Variants in PARP14 observed in about 807,000 individuals in gnomAD.
PARP14 encodes the protein protein mono-ADP-ribosyltransferase PARP14.
In PARP14, 59 loss-of-function variants were observed where a neutral mutation model predicts 154.2. The ratio of observed to expected loss-of-function variants is 0.38; its 90% confidence interval spans 0.31 to 0.48. PARP14 has a LOEUF of 0.48. Ranked by LOEUF, PARP14 falls within the 20% of genes least tolerant of loss-of-function variation. The pLI, the probability that PARP14 is intolerant of heterozygous loss-of-function variation, is 0.98. For missense variants in PARP14, 1,734 were observed against 2,131.6 expected (o/e 0.81, Z 3.67); for synonymous variants, 720 against 780.5 (o/e 0.92, Z 1.29).
intron 1 of PARP14, among the ~76,000 whole-genome samples, chr3:122,684,265 T>C (rs957710929): frequency 6.6e-6 from 1 of 152,238 alleles, no homozygotes; most frequent in Non-Finnish European, 1.5e-5. Flanking sequence ...ACTCCTTTTT[T>C]CCCTGACCTC....
At position 122,727,795 on chromosome 3, in the gene PARP14, C is replaced by A; in HGVS notation, c.4942-17C>A. 1 of 1,552,068 alleles carries A rather than the reference C, an allele frequency of 6.4e-7. No homozygotes were observed. The highest frequency in any genetic ancestry group is 8.8e-7 in the Non-Finnish European group (1 of 1,136,534). On this transcript the variant is annotated splice_polypyrimidine_tract_variant and intron_variant, in intron 15 of 16. Coordinates refer to ENST00000474629, the MANE Select transcript of PARP14 (RefSeq NM_017554.3). ...GCTCTTGGAACTGGCAGAATATTATCCTTTATTAATTTGCAGATTGAGAGG... is the reference window on the plus strand; with the variant it reads ...GCTCTTGGAACTGGCAGAATATTATACTTTATTAATTTGCAGATTGAGAGG...
chr3:122,695,813 T>C (rs552663154), intron 5 of PARP14, among the ~76,000 whole-genome samples, 151 bp downstream of exon 5: 277 of 152,360 alleles, frequency 1.8e-3, no homozygotes, highest in African/African-American at 6.3e-3. Flanking sequence ...TGCGATATGA[T>C]GCTTAATAAG....
intron 9 of PARP14, among the ~76,000 whole-genome samples, chr3:122,710,796 TTTA>T (rs1939300350): frequency 1.5e-3 from 37 of 23,986 alleles, no homozygotes; most frequent in African/African-American, 3.6e-3. Context: ...AGGTATTTTA[TTTA>T]TTTATTTATT....
intron 4 of PARP14, among the ~76,000 whole-genome samples, chr3:122,693,847 AAAAAAAAAG>A (rs1938662384): frequency 1.4e-5 from 2 of 147,956 alleles, no homozygotes; most frequent in Non-Finnish European, 3.0e-5. Flanking sequence ...TGTCTGAAAA[AAAAAAAAAG>A]AAAAGAAAAG....
intron 8 of PARP14, among the ~76,000 whole-genome samples, chr3:122,706,817 C>CAAA (rs796804488): frequency 6.4e-5 from 8 of 124,714 alleles, no homozygotes; most frequent in South Asian, 2.5e-4. Flanking sequence ...CACCAACAGG[C>CAAA]AAAAAAAAAA....
intron 15 of PARP14, among the ~76,000 whole-genome samples, chr3:122,722,894 A>G (rs1483270904): frequency 6.6e-6 from 1 of 152,146 alleles, no homozygotes; most frequent in African/African-American, 2.4e-5. Context: ...TCCCAATTAA[A>G]AACTTAACAT....
At chr3:122,683,252 T>C in intron 1 of PARP14, 8 of 974,042 alleles carry the variant, frequency 8.2e-6, no homozygotes, top group Non-Finnish European at 9.8e-6. Flanking sequence ...AAGTGCATTC[T>C]TCTTCTGCAG....
In PARP14 at chr3:122,685,249, G is replaced by T. The variant is rs781052370; in HGVS notation, c.252G>T (p.Lys84Asn). 9.3e-6 allele frequency: 15 copies of T among 1,613,728 alleles called. No individual in the cohort carries two copies. The East Asian group carries it at 3.3e-4, about 36-fold the overall frequency. The change falls in exon 2 of 17, where the codon AAG becomes AAT. Residue 84 changes from lysine to asparagine, a missense_variant. Transcript: ENST00000474629. ...ELVWQGKGTF[K>N]LTVQLPATPD... ...TATGGCAAGGAAAAGGAACATTCAA[G>T]TTAACTGTCCAGTTACCTGCAACCC...
intron 9 of PARP14, among the ~76,000 whole-genome samples, chr3:122,709,162 C>T (rs1445850610): frequency 2.6e-5 from 4 of 152,082 alleles, no homozygotes; most frequent in Non-Finnish European, 5.9e-5. Flanking sequence ...ACCTGAGCAG[C>T]ATATACTGTA....
intron 15 of PARP14, among the ~76,000 whole-genome samples, chr3:122,724,216 G>T (rs556669887): frequency 1.3e-5 from 2 of 152,142 alleles, no homozygotes; most frequent in East Asian, 3.8e-4. Context: ...CGTGTGTTGC[G>T]TGTGTTCACT....
intron 3 of PARP14, among the ~76,000 whole-genome samples, chr3:122,687,454 C>A (rs1328089398): frequency 2.0e-5 from 3 of 152,202 alleles, no homozygotes; most frequent in Non-Finnish European, 4.4e-5. Context: ...CACGATATGT[C>A]CAAGGGAGTC....
In PARP14 at chr3:122,718,773, A is replaced by G. The variant is rs1319997921; in HGVS notation, c.4622A>G (p.Asp1541Gly). The change falls in exon 14 of 17, where the codon GAC becomes GGC. Residue 1541 changes from aspartate to glycine, a missense_variant. This residue lies in a region of PARP14 where 1,646 missense variants were observed against 1,976.0 expected (regional missense o/e 0.83). Coordinates refer to ENST00000474629, the MANE Select transcript of PARP14 (RefSeq NM_017554.3). ...ISEFIEWQYNDNNTSHCFNKM... is the reference protein window; with the variant it reads ...ISEFIEWQYNGNNTSHCFNKM... ...GAGTTTATAGAATGGCAGTATAATGACAATAACACTTCTCATTGTTTTAAC... is the reference window on the plus strand; with the variant it reads ...GAGTTTATAGAATGGCAGTATAATGGCAATAACACTTCTCATTGTTTTAAC... 1.2e-6 allele frequency: 2 copies of G among 1,613,612 alleles called. No homozygotes were observed. The highest frequency in any genetic ancestry group is 1.7e-6 in the Non-Finnish European group (2 of 1,179,740).
At chr3:122,708,331 G>A in intron 9 of PARP14, 63 bp downstream of exon 9, 2 of 801,006 alleles carry the variant, frequency 2.5e-6, no homozygotes, top group African/African-American at 1.7e-5. Flanking sequence ...TCATTGGCAG[G>A]TAAAAGACAG....
intron 8 of PARP14, among the ~76,000 whole-genome samples, chr3:122,705,262 C>G (rs899358512): frequency 6.6e-5 from 10 of 152,108 alleles, no homozygotes; most frequent in Non-Finnish European, 2.9e-5. Flanking sequence ...AAATTTCTGA[C>G]TATCTCATAA....
chr3:122,686,940 T>G (rs1036844851), intron 2 of PARP14, 140 bp from the exon 3 acceptor site: 15 of 614,706 alleles, frequency 2.4e-5, no homozygotes, highest in Middle Eastern at 4.2e-4. Context: ...TGGCCCCAGA[T>G]GTATTCAAGA....
chr3:122,686,553 G>C (rs1184837222), intron 2 of PARP14, among the ~76,000 whole-genome samples: 1 of 151,994 alleles, frequency 6.6e-6, no homozygotes, highest in African/African-American at 2.4e-5. Flanking sequence ...TGAACTCCTG[G>C]GCTCAAGTGA....
Position 122,680,940 on chromosome 3 carries a change from C to G in PARP14, c.57C>G (p.Pro19=), listed in dbSNP as rs754650326. 1 of 1,613,146 alleles carries G rather than the reference C, an allele frequency of 6.2e-7. No individual in the cohort carries two copies. Among genetic ancestry groups the G allele is most frequent in the Admixed American group, 1.7e-5 (1 of 59,972 alleles). ...TCGAGGGCTCCTGGGGCCCCGACCC[C>G]CCGAAGAACTTGAACACCAAGTTGC... ...LLVEGSWGPD[P]PKNLNTKLQM... Residue 19 remains proline (P), a synonymous_variant, in exon 1 of 17, where the codon CCC becomes CCG. Coordinates refer to ENST00000474629, the MANE Select transcript of PARP14 (RefSeq NM_017554.3).
At chr3:122,702,356 A>G (rs1022777678) in intron 6 of PARP14, among the ~76,000 whole-genome samples, 9 of 152,254 alleles carry the variant, frequency 5.9e-5, no homozygotes, top group African/African-American at 2.2e-4. Flanking sequence ...AGCTGGGACT[A>G]CAGGTGCATG....
intron 4 of PARP14, among the ~76,000 whole-genome samples, chr3:122,693,816 G>C (rs1483430125): frequency 2.0e-5 from 3 of 151,236 alleles, no homozygotes; most frequent in African/African-American, 7.3e-5. Flanking sequence ...ACTCCAGCCT[G>C]GGTGACAGAG....
Sources: allele counts gnomAD v4.1 joint callset (sites outside exome capture counted in the v4.1 genomes callset), GRCh38; gene constraint gnomAD v4.1.1; regional missense constraint gnomAD v4.1.1; transcripts MANE v1.5; gene names NCBI Gene and HGNC (gene_info 2026-07-23, HGNC 2026-07-21).